The following EXOC6B variants were observed in gnomAD, a reference collection of about 807,000 sequenced individuals.
EXOC6B encodes the protein exocyst complex component 6B, also known as SEC15 homolog B.
A neutral mutation model predicts 113.5 loss-of-function variants in EXOC6B; 54 were observed. That is an observed-to-expected ratio of 0.48 (90% confidence interval 0.38 to 0.60). The LOEUF (loss-of-function observed/expected upper bound fraction) is 0.60. Among genes scored for constraint, EXOC6B ranks in the 20% least tolerant of loss-of-function variants. The probability of loss-of-function intolerance (pLI) is 0.00; values close to 1 mark genes in which losing one functional copy is unlikely to be tolerated. For missense variants in EXOC6B, 797 were observed against 977.5 expected (o/e 0.82, Z 2.46); for synonymous variants, 357 against 339.0 (o/e 1.05, Z -0.58).
chr2:72,674,235 T>C (rs1239344407), intron 6 of EXOC6B, among the ~76,000 whole-genome samples: 5 of 152,172 alleles, frequency 3.3e-5, no homozygotes, highest in Non-Finnish European at 7.4e-5. Flanking sequence ...TTTGGTCCTT[T>C]CAATTCCCAC....
intron 19 of EXOC6B, among the ~76,000 whole-genome samples, chr2:72,377,599 A>G (rs1691433624): frequency 6.6e-6 from 1 of 152,182 alleles, no homozygotes; most frequent in Non-Finnish European, 1.5e-5. Context: ...TTTAGTAAGA[A>G]AAGGCACAGA....
intron 6 of EXOC6B, among the ~76,000 whole-genome samples, chr2:72,705,644 C>T (rs1271804645): frequency 6.6e-6 from 1 of 151,954 alleles, no homozygotes; most frequent in Non-Finnish European, 1.5e-5. Flanking sequence ...CCTGACAAAG[C>T]CTCTCCTATC....
At chr2:72,514,969 AC>A in intron 9 of EXOC6B, 73 bp downstream of exon 9, 1 of 1,300,968 alleles carries the variant, frequency 7.7e-7, no homozygotes, top group Non-Finnish European at 1.1e-6. Flanking sequence ...ACACACACAC[AC>A]ACACACACAC....
intron 1 of EXOC6B, among the ~76,000 whole-genome samples, chr2:72,747,088 T>G (rs1035257156): frequency 6.6e-6 from 1 of 152,090 alleles, no homozygotes; most frequent in Non-Finnish European, 1.5e-5. Context: ...AAACTTCTAC[T>G]TCAAGATGAG....
intron 6 of EXOC6B, among the ~76,000 whole-genome samples, chr2:72,714,850 T>C (rs1433198549): frequency 6.6e-6 from 1 of 152,160 alleles, no homozygotes; most frequent in East Asian, 1.9e-4. Flanking sequence ...TTGAAAATTA[T>C]ATTTAGGGAA....
At chr2:72,350,668 G>A (rs955141775) in intron 19 of EXOC6B, among the ~76,000 whole-genome samples, 5 of 152,184 alleles carry the variant, frequency 3.3e-5, no homozygotes, top group Admixed American at 6.5e-5. Flanking sequence ...TACGTAAGGC[G>A]TCAAAGATTT....
intron 20 of EXOC6B, among the ~76,000 whole-genome samples, chr2:72,278,259 T>A (rs1033253615): frequency 1.3e-5 from 2 of 152,200 alleles, no homozygotes; most frequent in Non-Finnish European, 2.9e-5. Context: ...CACATCAGAC[T>A]CTATTCATTG....
At chr2:72,370,676 T>A (rs532511663) in intron 19 of EXOC6B, among the ~76,000 whole-genome samples, 1 of 152,114 alleles carries the variant, frequency 6.6e-6, no homozygotes, top group African/African-American at 2.4e-5. Flanking sequence ...GGAATACTAT[T>A]CAGCCATAAA....
chr2:72,608,143 G>C (rs1670861450), intron 6 of EXOC6B, among the ~76,000 whole-genome samples: 1 of 151,984 alleles, frequency 6.6e-6, no homozygotes. Context: ...TTCCTTCCCT[G>C]AACTCTTGAA....
intron 1 of EXOC6B, among the ~76,000 whole-genome samples, chr2:72,804,421 CA>C (rs1029484082): frequency 1.2e-4 from 18 of 152,048 alleles, no homozygotes; most frequent in African/African-American, 3.4e-4. Context: ...ATAGTGACAA[CA>C]TACTGATTTG....
intron 19 of EXOC6B, among the ~76,000 whole-genome samples, chr2:72,375,439 A>C (rs1209456074): frequency 1.3e-5 from 2 of 152,218 alleles, no homozygotes; most frequent in Non-Finnish European, 2.9e-5. Flanking sequence ...ATTTAGAAGA[A>C]CTGAAATTAT....
In EXOC6B at chr2:72,767,808, T is replaced by TAAACAAAAAAAAAAAAAA. The variant is rs1683162442; in HGVS notation, c.114-26340_114-26339insTTTTTTTTTTTTTTGTTT. ...AGCCTGGGAGACACAGAGACCTTGT[T>TAAACAAAAAAAAAAAAAA]AAAAAAAAAAAAAAAAAAAAAAAAA... is the stretch of plus-strand genomic sequence containing the variant. On this transcript the variant is annotated intron_variant, in intron 1 of 21. Coordinates refer to ENST00000272427, the MANE Select transcript of EXOC6B (RefSeq NM_015189.3). 2.4e-4 allele frequency among the ~76,000 whole-genome samples: 3 copies of TAAACAAAAAAAAAAAAAA among 12,680 alleles called. 1 individual carries two copies. Among genetic ancestry groups the TAAACAAAAAAAAAAAAAA allele is most frequent in the African/African-American group, 9.0e-4 (3 of 3,324 alleles). 8.3% of individuals were successfully genotyped at this position (12,680 alleles called of 152,430 possible).
At chr2:72,681,608 T>C (rs1676708482) in intron 6 of EXOC6B, among the ~76,000 whole-genome samples, 1 of 152,134 alleles carries the variant, frequency 6.6e-6, no homozygotes, top group Non-Finnish European at 1.5e-5. Context: ...GGATAATCTA[T>C]TGGGTAACAG....
In EXOC6B at chr2:72,670,320, T is replaced by C. The variant is rs186272893; in HGVS notation, c.669+47783A>G. On this transcript the variant is annotated intron_variant, in intron 6 of 21. Coordinates refer to ENST00000272427, the MANE Select transcript of EXOC6B (RefSeq NM_015189.3). The stretch of plus-strand genomic sequence containing the variant: ...CATATTTTTGTGAATTGTGTAGATA[T>C]ATTATTAATAGCTATAAGTTTAATT... Among the ~76,000 whole-genome samples the C allele has an allele frequency of 7.3e-3, 1,119 of 152,318 alleles. 9 individuals carry two copies. The highest frequency in any genetic ancestry group is 0.012 in the Non-Finnish European group (831 of 68,016).
chr2:72,564,977 C>T (rs1704078886), intron 7 of EXOC6B, among the ~76,000 whole-genome samples: 1 of 152,130 alleles, frequency 6.6e-6, no homozygotes, highest in Non-Finnish European at 1.5e-5. Flanking sequence ...GGAAAAACCA[C>T]CATTTCTCCT....
At chr2:72,794,134 T>C (rs912197567) in intron 1 of EXOC6B, among the ~76,000 whole-genome samples, 2 of 152,256 alleles carry the variant, frequency 1.3e-5, no homozygotes, top group Non-Finnish European at 2.9e-5. Flanking sequence ...TCCTGTCACA[T>C]GCTAAATAGT....
At chr2:72,712,460 A>G (rs367910237) in intron 6 of EXOC6B, among the ~76,000 whole-genome samples, 1 of 152,144 alleles carries the variant, frequency 6.6e-6, no homozygotes, top group Non-Finnish European at 1.5e-5. Context: ...TGGAGCTCAG[A>G]GTCCTCTTTT....
chr2:72,266,009 G>T (rs1409196811), intron 20 of EXOC6B, among the ~76,000 whole-genome samples: 1 of 152,210 alleles, frequency 6.6e-6, no homozygotes, highest in African/African-American at 2.4e-5. Context: ...GGCCAGTGAT[G>T]ATGAGCATTT....
At chr2:72,187,404 G>A (rs1318720375) in intron 20 of EXOC6B, among the ~76,000 whole-genome samples, 1 of 151,822 alleles carries the variant, frequency 6.6e-6, no homozygotes, top group Non-Finnish European at 1.5e-5. Flanking sequence ...TTCTTTTCCT[G>A]CGACCAGGAA....
Sources: gnomAD v4.1 joint callset for allele counts (sites outside exome capture counted in the v4.1 genomes callset) on GRCh38, gnomAD v4.1.1 for gene constraint, MANE v1.5 for transcripts, NCBI Gene and HGNC (gene_info 2026-07-23, HGNC 2026-07-21) for gene names.